The following GRM8 variants were observed in gnomAD, a reference collection of about 807,000 sequenced individuals.
The protein encoded by GRM8 is metabotropic glutamate receptor 8.
A neutral mutation model predicts 87.2 loss-of-function variants in GRM8; 47 were observed. The ratio of observed to expected loss-of-function variants is 0.54; its 90% CI spans 0.43 to 0.69. The LOEUF is 0.69. Among genes scored for constraint, GRM8 ranks in the 30% least tolerant of loss-of-function variants. The pLI is 0.00. For synonymous variants in GRM8, 396 were observed against 404.5 expected, an observed-to-expected ratio of 0.98 and a Z score of 0.25; for missense variants, 1,019 against 1,139.2, an observed-to-expected ratio of 0.89 and a Z score of 1.52.
At chr7:126,852,479 T>C (rs964070231) in intron 6 of GRM8, among the ~76,000 whole-genome samples, 1 of 152,186 alleles carries the variant, frequency 6.6e-6, no homozygotes, top group Non-Finnish European at 1.5e-5. Flanking sequence ...CGGTAATCAT[T>C]ACCCTTCTCT....
chr7:127,109,057 T>C (rs1051795796), intron 2 of GRM8, among the ~76,000 whole-genome samples: 1 of 152,154 alleles, frequency 6.6e-6, no homozygotes, highest in African/African-American at 2.4e-5. Context: ...ATCCCCAGTA[T>C]TTCTACCACC....
chr7:126,562,506 C>T (rs950835076), intron 8 of GRM8, among the ~76,000 whole-genome samples: 4 of 152,116 alleles, frequency 2.6e-5, no homozygotes, highest in Non-Finnish European at 5.9e-5. Context: ...TGAAGAAATG[C>T]TCAGTTAATG....
At chr7:126,992,768 A>C (rs1056990618) in intron 3 of GRM8, among the ~76,000 whole-genome samples, 1 of 151,912 alleles carries the variant, frequency 6.6e-6, no homozygotes, top group Non-Finnish European at 1.5e-5. Context: ...TAGTGTCTTT[A>C]TAAGAAGAAA....
chr7:126,515,781 C>T (rs553676174), intron 9 of GRM8, among the ~76,000 whole-genome samples: 11 of 151,998 alleles, frequency 7.2e-5, no homozygotes, highest in East Asian at 1.9e-4. Context: ...GAGACACAAC[C>T]GGATAATTTA....
intron 9 of GRM8, among the ~76,000 whole-genome samples, chr7:126,476,478 A>G (rs1036403186): frequency 1.3e-5 from 2 of 152,136 alleles, no homozygotes; most frequent in Admixed American, 6.6e-5. Flanking sequence ...GAAAATAGAG[A>G]AAGTATTTGC....
chr7:127,033,195 G>T (rs930328388), intron 3 of GRM8, among the ~76,000 whole-genome samples: 4 of 151,620 alleles, frequency 2.6e-5, no homozygotes, highest in Non-Finnish European at 5.9e-5. Context: ...TAATTCTTTT[G>T]ATCTATAGAC....
chr7:127,142,136 C>A (rs529682986), intron 2 of GRM8, among the ~76,000 whole-genome samples: 5 of 152,114 alleles, frequency 3.3e-5, no homozygotes, highest in South Asian at 2.1e-4. Context: ...ACCATGCACA[C>A]CTAATATTTT....
intron 2 of GRM8, among the ~76,000 whole-genome samples, chr7:127,207,634 G>A (rs889598496): frequency 6.6e-6 from 1 of 151,996 alleles, no homozygotes; most frequent in Non-Finnish European, 1.5e-5. Context: ...CCCCCAACTG[G>A]CTGAACAAAT....
At chr7:126,444,003 T>C (rs563546214) in intron 10 of GRM8, among the ~76,000 whole-genome samples, 95 of 152,104 alleles carry the variant, frequency 6.2e-4, no homozygotes, top group Admixed American at 2.9e-3. Flanking sequence ...GAATGACTGG[T>C]ATTTATATCA....
At chr7:127,007,479 A>G (rs1196590722) in intron 3 of GRM8, among the ~76,000 whole-genome samples, 2 of 152,044 alleles carry the variant, frequency 1.3e-5, no homozygotes, top group African/African-American at 4.8e-5. Flanking sequence ...TTTACTTTAT[A>G]TTAATAACTT....
In GRM8 at chr7:126,646,306, A is replaced by AAG. The variant is rs1554436859; in HGVS notation, c.1358-36809_1358-36808insCT. ...AGGAAGGAAGGAAGGAAGGAAGGAAAGAAGGAAGGAAGGAAGAAAGGAAGG... is the reference window on the plus strand; with the variant it reads ...AGGAAGGAAGGAAGGAAGGAAGGAAAAGGAAGGAAGGAAGGAAGAAAGGAAGG... On this transcript the variant is annotated intron_variant, in intron 7 of 10. Coordinates refer to ENST00000339582, the MANE Select transcript of GRM8 (RefSeq NM_000845.3). Among the ~76,000 whole-genome samples, 99 of 35,724 alleles carry AAG rather than the reference A, an allele frequency of 2.8e-3. 1 individual carries two copies. Among genetic ancestry groups the AAG allele is most frequent in the African/African-American group, 6.9e-3 (81 of 11,696 alleles). 23.4% of individuals were successfully genotyped at this position (35,724 alleles called of 152,430 possible). A position where few individuals can be genotyped will look rare whatever the true frequency, so the allele number is the denominator to read the frequency against.
chr7:126,843,586 T>C (rs1455019026), intron 6 of GRM8, among the ~76,000 whole-genome samples: 2 of 152,238 alleles, frequency 1.3e-5, no homozygotes, highest in Non-Finnish European at 1.5e-5. Flanking sequence ...GGCAAACACA[T>C]AACCCAGAGT....
At chr7:126,813,409 A>G (rs866896487) in intron 6 of GRM8, among the ~76,000 whole-genome samples, 1 of 151,992 alleles carries the variant, frequency 6.6e-6, no homozygotes, top group South Asian at 2.1e-4. Context: ...GAAGAATGGA[A>G]AAACTCTGGT....
chr7:127,108,140 T>C (rs1825992776), intron 2 of GRM8, among the ~76,000 whole-genome samples: 2 of 152,186 alleles, frequency 1.3e-5, no homozygotes, highest in African/African-American at 2.4e-5. Context: ...CTCTGCCAGA[T>C]ATACTGACCT....
At chr7:126,976,544 A>T (rs911466040) in intron 3 of GRM8, among the ~76,000 whole-genome samples, 1 of 152,140 alleles carries the variant, frequency 6.6e-6, no homozygotes, top group Non-Finnish European at 1.5e-5. Flanking sequence ...CAGTGAACCG[A>T]GATGGCGCCA....
chr7:126,605,955 C>G (rs1040242219), intron 8 of GRM8, among the ~76,000 whole-genome samples: 1 of 152,182 alleles, frequency 6.6e-6, no homozygotes, highest in African/African-American at 2.4e-5. Context: ...TCCCTGAGAA[C>G]AGGGTTCACA....
chr7:127,198,976 G>A (rs1322774225), intron 2 of GRM8, among the ~76,000 whole-genome samples: 4 of 151,820 alleles, frequency 2.6e-5, no homozygotes, highest in Non-Finnish European at 5.9e-5. Flanking sequence ...TGAGTAGCTG[G>A]GATTACATGC....
intron 3 of GRM8, among the ~76,000 whole-genome samples, chr7:126,916,149 C>A (rs1803880100): frequency 6.6e-6 from 1 of 152,106 alleles, no homozygotes; most frequent in Admixed American, 6.5e-5. Flanking sequence ...ATGACAAAGA[C>A]AATATTGAAA....
chr7:126,445,077 A>G (rs1801869372), intron 10 of GRM8, among the ~76,000 whole-genome samples: 1 of 152,024 alleles, frequency 6.6e-6, no homozygotes, highest in African/African-American at 2.4e-5. Flanking sequence ...AGGTGGGAGG[A>G]TCACTTGAAC....
Sources: gnomAD v4.1 joint callset for allele counts (sites outside exome capture counted in the v4.1 genomes callset) on GRCh38, gnomAD v4.1.1 for gene constraint, MANE v1.5 for transcripts, NCBI Gene and HGNC (gene_info 2026-07-23, HGNC 2026-07-21) for gene names.